The following SYT1 variants were observed in gnomAD, a reference collection of about 807,000 sequenced individuals.
The protein encoded by SYT1 is synaptotagmin 1.
In SYT1, 8 loss-of-function variants were observed where a neutral mutation model predicts 44.8. The ratio of observed to expected loss-of-function variants is 0.18; its 90% CI spans 0.10 to 0.32. SYT1 has a LOEUF of 0.32. Among genes scored for constraint, SYT1 ranks in the 10% least tolerant of loss-of-function variants. SYT1 has a pLI of 1.00. For synonymous variants in SYT1, 154 were observed against 188.8 expected, an observed-to-expected ratio of 0.82 and a Z score of 1.51; for missense variants, 286 against 509.3, an observed-to-expected ratio of 0.56 and a Z score of 4.22.
chr12:78,892,149 G>A (rs1875092257), intron 1 of SYT1, among the ~76,000 whole-genome samples: 2 of 151,720 alleles, frequency 1.3e-5, no homozygotes, highest in Admixed American at 1.3e-4. Context: ...ACTATGCTAA[G>A]TGGTTTAAAT....
In SYT1 at chr12:79,198,707, A is replaced by G. The variant is rs185024247; in HGVS notation, c.-17-18796A>G. 2.1e-3 allele frequency among the ~76,000 whole-genome samples: 314 copies of G among 152,222 alleles called. 1 individual carries two copies. The highest frequency in any genetic ancestry group is 7.4e-3 in the African/African-American group (306 of 41,544). ...TGCCTATGGATGGAAGTGTCAGGGG[A>G]GTAGAGATGGAGATAAAAGCTTCAG... On this transcript the variant is annotated intron_variant, in intron 3 of 10. Coordinates refer to ENST00000261205, the MANE Select transcript of SYT1 (RefSeq NM_005639.3).
At chr12:78,894,460 T>C (rs975236680) in intron 1 of SYT1, among the ~76,000 whole-genome samples, 3 of 137,686 alleles carry the variant, frequency 2.2e-5, no homozygotes, top group African/African-American at 8.0e-5. Flanking sequence ...CTGTGTAACA[T>C]ACACAAAAAA....
chr12:79,231,803 T>G (rs1440897837), intron 4 of SYT1, among the ~76,000 whole-genome samples: 1 of 152,234 alleles, frequency 6.6e-6, no homozygotes, highest in Non-Finnish European at 1.5e-5. Context: ...GCTGTTATAA[T>G]CACGCAAATA....
chr12:79,240,589 T>C (rs1182893301), intron 4 of SYT1, among the ~76,000 whole-genome samples: 2 of 152,208 alleles, frequency 1.3e-5, no homozygotes, highest in African/African-American at 4.8e-5. Flanking sequence ...GGTTCAGGAA[T>C]GTCTATTTCC....
intron 9 of SYT1, among the ~76,000 whole-genome samples, chr12:79,436,116 G>A (rs934707535): frequency 1.3e-5 from 2 of 152,076 alleles, no homozygotes; most frequent in East Asian, 1.9e-4. Flanking sequence ...AATTTTAGGG[G>A]ACAATTCAAA....
intron 8 of SYT1, among the ~76,000 whole-genome samples, chr12:79,328,431 A>G (rs1291479054): frequency 6.6e-6 from 1 of 152,146 alleles, no homozygotes; most frequent in Non-Finnish European, 1.5e-5. Flanking sequence ...CCCCACCACA[A>G]CTTGTTTTAA....
intron 1 of SYT1, among the ~76,000 whole-genome samples, chr12:78,888,702 C>G (rs1306335675): frequency 6.6e-6 from 1 of 151,904 alleles, no homozygotes; most frequent in African/African-American, 2.4e-5. Context: ...GTTCAGCATA[C>G]CACTACCTGC....
chr12:79,128,261 C>T (rs1868570258), intron 3 of SYT1, among the ~76,000 whole-genome samples: 1 of 152,054 alleles, frequency 6.6e-6, no homozygotes, highest in South Asian at 2.1e-4. Flanking sequence ...GGTGTACTGG[C>T]TCACATTTGT....
intron 1 of SYT1, among the ~76,000 whole-genome samples, chr12:78,882,828 C>T (rs1400990986): frequency 1.3e-5 from 2 of 151,414 alleles, no homozygotes; most frequent in African/African-American, 4.8e-5. Flanking sequence ...AGTTTTTATC[C>T]AATTGTTTTG....
At chr12:79,128,481 C>T (rs1868587531) in intron 3 of SYT1, among the ~76,000 whole-genome samples, 1 of 152,162 alleles carries the variant, frequency 6.6e-6, no homozygotes. Context: ...TCTTGGAACT[C>T]CCTTCCTCTT....
chr12:78,866,882 C>A (rs974377736), intron 1 of SYT1, among the ~76,000 whole-genome samples: 1 of 151,986 alleles, frequency 6.6e-6, no homozygotes, highest in African/African-American at 2.4e-5. Context: ...TTTTTCACTA[C>A]GTACGTTTAA....
intron 9 of SYT1, among the ~76,000 whole-genome samples, chr12:79,407,567 T>C (rs751065538): frequency 4.6e-5 from 7 of 152,102 alleles, no homozygotes; most frequent in Non-Finnish European, 7.4e-5. Context: ...CGTCACATTC[T>C]TAGAAATGCA....
At chr12:79,410,872 C>G (rs1447159026) in intron 9 of SYT1, among the ~76,000 whole-genome samples, 3 of 152,106 alleles carry the variant, frequency 2.0e-5, no homozygotes, top group Non-Finnish European at 4.4e-5. Flanking sequence ...CCAAGAAATT[C>G]AGCATGCTAG....
At chr12:79,376,824 G>C (rs925247046) in intron 9 of SYT1, among the ~76,000 whole-genome samples, 12 of 152,100 alleles carry the variant, frequency 7.9e-5, no homozygotes, top group African/African-American at 2.4e-4. Flanking sequence ...ATTTACAAAC[G>C]TCTGCATGCC....
At chr12:79,237,424 C>G (rs1017588516) in intron 4 of SYT1, among the ~76,000 whole-genome samples, 1 of 152,072 alleles carries the variant, frequency 6.6e-6, no homozygotes, top group Non-Finnish European at 1.5e-5. Flanking sequence ...AAATACAAAA[C>G]TCATGGAAGA....
chr12:79,315,994 C>A lies in SYT1; in HGVS notation c.810+16443C>A, dbSNP rs74363678. Among the ~76,000 whole-genome samples the A allele has an allele frequency of 2.9e-3, 446 of 152,310 alleles. 2 individuals are homozygous for A. The highest frequency in any genetic ancestry group is 6.8e-3 in the Middle Eastern group (2 of 294). The stretch of plus-strand genomic sequence containing the variant: ...TTCCCCCAAGTTGCTCTTTTCCAGA[C>A]CTTTTTCCTACTAACATCGTGACTT... On this transcript the variant is annotated intron_variant, in intron 8 of 10. Transcript: ENST00000261205.
intron 2 of SYT1, among the ~76,000 whole-genome samples, chr12:79,021,298 GAGATTC>G (rs905820409): frequency 1.1e-4 from 17 of 151,824 alleles, no homozygotes; most frequent in Non-Finnish European, 2.5e-4. Context: ...CTAAAGCATA[GAGATTC>G]TATCATGAGC....
intron 1 of SYT1, among the ~76,000 whole-genome samples, chr12:78,896,177 TG>T (rs1418641480): frequency 6.6e-6 from 1 of 151,790 alleles, no homozygotes; most frequent in Non-Finnish European, 1.5e-5. Context: ...ATGTAAAGTT[TG>T]AACTGTATTA....
intron 8 of SYT1, among the ~76,000 whole-genome samples, chr12:79,307,915 C>G (rs1404486706): frequency 1.3e-5 from 2 of 152,122 alleles, no homozygotes; most frequent in Non-Finnish European, 2.9e-5. Context: ...AAAATTGATG[C>G]CTGTTGGGGA....
Sources: allele counts gnomAD v4.1 joint callset (sites outside exome capture counted in the v4.1 genomes callset), GRCh38; gene constraint gnomAD v4.1.1; transcripts MANE v1.5; gene names NCBI Gene and HGNC (gene_info 2026-07-23, HGNC 2026-07-21).